The following FBN2 variants were observed in gnomAD, a reference collection of about 807,000 sequenced individuals.
The protein encoded by FBN2 is fibrillin 2.
In FBN2, 105 loss-of-function variants were observed where a neutral mutation model predicts 355.6. The ratio of observed to expected loss-of-function variants is 0.30; its 90% CI spans 0.25 to 0.35. FBN2 has a LOEUF of 0.35. Ranked by LOEUF, FBN2 falls within the 10% of genes least tolerant of loss-of-function variation. FBN2 has a pLI of 1.00. For missense variants in FBN2, 3,280 were observed against 3,758.7 expected (o/e 0.87, Z 3.33); for synonymous variants, 1,350 against 1,301.2 (o/e 1.04, Z -0.81).
chr5:128,416,568 T>C (rs1092414), intron 7 of FBN2, among the ~76,000 whole-genome samples: 56,656 of 152,134 alleles, frequency 0.37, 12,771 homozygotes, highest in East Asian at 0.72. Flanking sequence ...CTTTAATCCA[T>C]CTTGAGCTAA....
intron 7 of FBN2, among the ~76,000 whole-genome samples, chr5:128,436,480 C>G (rs1304957455): frequency 6.6e-6 from 1 of 152,098 alleles, no homozygotes. Context: ...TGCTCTGCCT[C>G]CCAACATAAA....
At chr5:128,295,444 A>G (rs1224877592) in intron 48 of FBN2, among the ~76,000 whole-genome samples, 6 of 150,982 alleles carry the variant, frequency 4.0e-5, no homozygotes, top group Non-Finnish European at 7.4e-5. Context: ...CCATTTTCAC[A>G]ATATTGATTC....
rs573949735 is a variant in FBN2, at chr5:128,419,071, A to G, written c.953-10272T>C. ...ATCTATCACCTACTCTGCTAAATTT[A>G]TTCCTAAGCCATTTATTCTTTGTAT... On this transcript the variant is annotated intron_variant, in intron 7 of 64. Transcript: ENST00000262464. Among the ~76,000 whole-genome samples the G allele has an allele frequency of 2.6e-5, 4 of 152,338 alleles. No homozygotes were observed. In the Middle Eastern group the frequency reaches 0.01, roughly 389 times the overall value.
At position 128,350,878 on chromosome 5, in the gene FBN2, C is replaced by T. The variant is rs140500093; in HGVS notation, c.2802G>A (p.Arg934=). The part of the protein sequence containing the change: ...LGAAWGSPCE[R]CELDTACPRG... ...CAATAAGGCTCCTACCTAGTTCACA[C>T]CGCTCACAGGGGCTCCCCCAGGCGG... Residue 934 remains arginine (R), a synonymous_variant, in exon 21 of 65, where the codon CGG becomes CGA. Transcript: ENST00000262464. The T allele has an allele frequency of 1.2e-5, 20 of 1,614,042 alleles. No homozygotes were observed. Among genetic ancestry groups the T allele is most frequent in the Middle Eastern group, 3.3e-4 (2 of 6,084 alleles).
rs35768962 is a variant in FBN2, at chr5:128,444,054, C to CTTTTTTTTTT, written c.952+2417_952+2426dup. On this transcript the variant is annotated intron_variant, in intron 7 of 64. Transcript: ENST00000262464. ...TTTATATAAGCAAATATCACTTGTT[C>CTTTTTTTTTT]TTTTTTTTTTTTTTTTTTTTTTTTT... 6.6e-4 allele frequency among the ~76,000 whole-genome samples: 43 copies of CTTTTTTTTTT among 65,612 alleles called. 7 individuals are homozygous for CTTTTTTTTTT. The highest frequency in any genetic ancestry group is 2.2e-3 in the African/African-American group (36 of 16,194). The allele number at this position is 65,612 out of a possible 152,430, so 43.0% of individuals were successfully genotyped here.
Position 128,351,011 on chromosome 5 carries a change from A to C in FBN2, c.2675-6T>G. The C allele has an allele frequency of 6.2e-7, 1 of 1,614,178 alleles. No individual in the cohort carries two copies. Among genetic ancestry groups the C allele is most frequent in the Non-Finnish European group, 8.5e-7 (1 of 1,180,016 alleles). On this transcript the variant is annotated splice_region_variant and splice_polypyrimidine_tract_variant and intron_variant, in intron 20 of 64. Transcript: ENST00000262464. ...ACAGGTCCCCTTCAGGCTGTCTGAA[A>C]AGGAACAGGAAAGGTTGGGGAGCTC...
chr5:128,496,791 T>C (rs1040673167), intron 5 of FBN2, among the ~76,000 whole-genome samples: 3 of 151,844 alleles, frequency 2.0e-5, no homozygotes, highest in African/African-American at 4.8e-5. Flanking sequence ...ATATTTAATA[T>C]ATAATACATG....
intron 5 of FBN2, among the ~76,000 whole-genome samples, chr5:128,499,967 C>T (rs1218161117): frequency 1.3e-5 from 2 of 152,050 alleles, no homozygotes; most frequent in Non-Finnish European, 2.9e-5. Flanking sequence ...GTCTTTAATT[C>T]GCAGAAGATG....
intron 24 of FBN2, among the ~76,000 whole-genome samples, chr5:128,344,803 C>T (rs561564213): frequency 1.4e-4 from 21 of 151,728 alleles, no homozygotes; most frequent in South Asian, 6.3e-4. Flanking sequence ...CAGGTTCAAG[C>T]GATTCTCCTG....
intron 40 of FBN2, among the ~76,000 whole-genome samples, chr5:128,309,645 C>T (rs927733561): frequency 6.6e-6 from 1 of 151,832 alleles, no homozygotes; most frequent in Non-Finnish European, 1.5e-5. Flanking sequence ...ATTTGTTTTT[C>T]TCTCAAAATC....
intron 7 of FBN2, among the ~76,000 whole-genome samples, chr5:128,409,756 C>A (rs979114617): frequency 2.6e-5 from 4 of 152,064 alleles, no homozygotes; most frequent in African/African-American, 9.7e-5. Context: ...CAGATAATTA[C>A]TGAAAAGTCA....
Position 128,345,413 on chromosome 5 carries a change from CG to C in FBN2, c.3160del (p.Arg1054AlafsTer53), listed in dbSNP as rs1751148028. 1.2e-6 allele frequency: 2 copies of C among 1,614,034 alleles called. No individual in the cohort carries two copies. The highest frequency in any genetic ancestry group is 1.7e-6 in the Non-Finnish European group (2 of 1,180,034). On this transcript the variant is annotated frameshift_variant, in exon 24 of 65. Transcript: ENST00000262464. LOFTEE classifies it high-confidence loss of function. The stretch of plus-strand genomic sequence containing the variant: ...CCCTCGGTTAGCAAAGCCAGCCCCG[CG>C]GGGGCACAGCGTCTCGTATTCCTTG... The part of the protein sequence containing the change: ...GTKEYETLCP[R>X]GAGFANRGDV...
At chr5:128,504,292 G>T (rs1336795871) in intron 5 of FBN2, among the ~76,000 whole-genome samples, 1 of 152,126 alleles carries the variant, frequency 6.6e-6, no homozygotes, top group Non-Finnish European at 1.5e-5. Context: ...GTCCCCACTG[G>T]GACACTGTCT....
chr5:128,316,100 G>A (rs928127400), intron 36 of FBN2, among the ~76,000 whole-genome samples: 5 of 152,176 alleles, frequency 3.3e-5, no homozygotes, highest in Middle Eastern at 3.2e-3. Flanking sequence ...AATGCTAAAA[G>A]AAGATTTCAA....
chr5:128,504,152 T>C (rs1051394873), intron 5 of FBN2, among the ~76,000 whole-genome samples: 4 of 152,192 alleles, frequency 2.6e-5, no homozygotes, highest in African/African-American at 9.7e-5. Flanking sequence ...GAACTCCACC[T>C]AGATTTTAGA....
At chr5:128,287,581 A>T in intron 53 of FBN2, 151 bp from the exon 54 acceptor site, 2 of 768,784 alleles carry the variant, frequency 2.6e-6, no homozygotes, top group Non-Finnish European at 4.3e-6. Flanking sequence ...TACCTAACAA[A>T]CTCATCTTTA....
rs1750891066 is a variant in FBN2 at position 128,337,998 on chromosome 5, C to A, written c.3597G>T (p.Val1199=). ...HELSPSREDC[V]DINECSLSDN... The stretch of plus-strand genomic sequence containing the variant: ...TATGTGCTGAGGAGATAAACTCACC[C>A]ACACAGTCCTCACGGGATGGTGACA... The change falls in exon 27 of 65, where the codon GTG becomes GTT. Residue 1199 remains valine, a splice_region_variant and synonymous_variant. Transcript: ENST00000262464. The A allele has an allele frequency of 1.2e-6, 2 of 1,614,048 alleles. No homozygotes were observed. The highest frequency in any genetic ancestry group is 1.1e-5 in the South Asian group (1 of 91,058).
chr5:128,408,638 A>G, intron 8 of FBN2, 36 bp downstream of exon 8: 1 of 1,613,206 alleles, frequency 6.2e-7, no homozygotes, highest in Non-Finnish European at 8.5e-7. Flanking sequence ...CATTATAAAG[A>G]CCCAGTGTAT....
intron 5 of FBN2, among the ~76,000 whole-genome samples, chr5:128,506,907 T>C (rs1366973029): frequency 6.6e-6 from 1 of 152,144 alleles, no homozygotes; most frequent in African/African-American, 2.4e-5. Flanking sequence ...TGAAACACGA[T>C]GTTTTTTAAT....
Sources: gnomAD v4.1 joint callset for allele counts (sites outside exome capture counted in the v4.1 genomes callset) on GRCh38, gnomAD v4.1.1 for gene constraint, MANE v1.5 for transcripts, NCBI Gene and HGNC (gene_info 2026-07-23, HGNC 2026-07-21) for gene names.